The following PCDH15 variants were observed in gnomAD, a reference collection of about 807,000 sequenced individuals.
PCDH15 encodes protocadherin-15.
PCDH15 carries 129 observed loss-of-function variants against 178.5 expected under a neutral mutation model. That is an observed-to-expected ratio of 0.72 (90% CI 0.63 to 0.84). The LOEUF is 0.84. PCDH15 is among the 40% of genes least tolerant of loss of function. The probability of loss-of-function intolerance (pLI) is 0.00; values close to 1 mark genes in which losing one functional copy is unlikely to be tolerated. For synonymous variants in PCDH15, 800 were observed against 732.0 expected, an observed-to-expected ratio of 1.09 and a Z score of -1.50; for missense variants, 2,230 against 2,099.9, an observed-to-expected ratio of 1.06 and a Z score of -1.21.
At chr10:53,930,715 C>A (rs1382650257) in intron 25 of PCDH15, among the ~76,000 whole-genome samples, 1 of 152,106 alleles carries the variant, frequency 6.6e-6, no homozygotes, top group Non-Finnish European at 1.5e-5. Context: ...CCTCCTTGCT[C>A]CTCCCCAGTT....
rs1288202883 is a variant in PCDH15, at chr10:55,377,722, G to A, written c.-155-211071C>T. Among the ~76,000 whole-genome samples the A allele has an allele frequency of 2.6e-5, 4 of 151,796 alleles. No individual in the cohort carries two copies. The East Asian group carries it at 7.7e-4, about 29-fold the overall frequency. ...TATTCTTTTATGCTTTTCATTTCAC[G>A]TATACTTTCTGAGTACCTAGTATAA... On this transcript the variant is annotated intron_variant, in intron 2 of 5. Transcript: ENST00000613346.
intron 2 of PCDH15, among the ~76,000 whole-genome samples, chr10:55,329,002 CGTGTGTGTGT>C (rs34920648): frequency 3.8e-5 from 5 of 131,118 alleles, no homozygotes; most frequent in Non-Finnish European, 8.1e-5. Context: ...ATTCCATTTT[CGTGTGTGTGT>C]GTGTGTGTGT....
chr10:54,834,349 T>C (rs1953276728), intron 3 of PCDH15, among the ~76,000 whole-genome samples: 1 of 151,950 alleles, frequency 6.6e-6, no homozygotes, highest in Admixed American at 6.6e-5. Context: ...CAGCTAATTT[T>C]TGTATTTTTA....
intron 3 of PCDH15, among the ~76,000 whole-genome samples, chr10:54,404,118 TAATATTCATATTATA>T (rs1374228553): frequency 6.6e-6 from 1 of 151,912 alleles, no homozygotes; most frequent in African/African-American, 2.4e-5. Flanking sequence ...AAGGCTATTT[TAATATTCATATTATA>T]AATATTCATA....
chr10:54,811,163 G>C (rs576320362), intron 3 of PCDH15, among the ~76,000 whole-genome samples: 1 of 151,858 alleles, frequency 6.6e-6, no homozygotes, highest in South Asian at 2.1e-4. Context: ...ATATATATAT[G>C]ACAAGTGCAA....
intron 1 of PCDH15, among the ~76,000 whole-genome samples, chr10:54,696,653 A>G (rs1266975971): frequency 6.6e-6 from 1 of 151,990 alleles, no homozygotes; most frequent in Non-Finnish European, 1.5e-5. Context: ...TTTCTGATCA[A>G]AAAGATTCTT....
intron 25 of PCDH15, chr10:53,905,367 T>G (rs1589349970): frequency 2.3e-6 from 1 of 426,746 alleles, no homozygotes; most frequent in East Asian, 6.0e-5. Flanking sequence ...GGAGTCTCCC[T>G]CTGTCGCCCA....
At chr10:54,346,999 T>C (rs889692076) in intron 5 of PCDH15, among the ~76,000 whole-genome samples, 40 of 152,156 alleles carry the variant, frequency 2.6e-4, no homozygotes, top group African/African-American at 9.4e-4. Context: ...TCTTGAGTCC[T>C]TCTGATATTG....
At chr10:54,379,323 C>T (rs530078510) in intron 3 of PCDH15, among the ~76,000 whole-genome samples, 2 of 152,012 alleles carry the variant, frequency 1.3e-5, no homozygotes, top group African/African-American at 4.8e-5. Context: ...TTCTGTTAGA[C>T]CTCTGATGTG....
chr10:54,219,830 GA>G (rs528683589), intron 9 of PCDH15, among the ~76,000 whole-genome samples: 2 of 151,934 alleles, frequency 1.3e-5, no homozygotes, highest in South Asian at 4.1e-4. Context: ...GATATTGTCA[GA>G]ATGCTCTAAA....
chr10:54,168,257 G>A lies in PCDH15; in HGVS notation c.1591-14964C>T, dbSNP rs372402253. Among the ~76,000 whole-genome samples the A allele has an allele frequency of 4.7e-4, 71 of 151,936 alleles. No individual in the cohort carries two copies. The East Asian group carries it at 0.012, about 26-fold the overall frequency. On this transcript the variant is annotated intron_variant, in intron 13 of 37. Transcript: ENST00000644397. ...AGGCAAACGGTCTGAGGTGCCTGAC[G>A]TCCAGGCATTCTTTTACACATCAGT... is the stretch of plus-strand genomic sequence containing the variant.
At chr10:54,006,215 A>G (rs1341731476) in intron 20 of PCDH15, among the ~76,000 whole-genome samples, 1 of 152,160 alleles carries the variant, frequency 6.6e-6, no homozygotes, top group East Asian at 1.9e-4. Flanking sequence ...AAACTCTAGA[A>G]TAGTAGAATT....
chr10:55,085,145 A>G (rs563442260), intron 2 of PCDH15, among the ~76,000 whole-genome samples: 1 of 152,032 alleles, frequency 6.6e-6, no homozygotes, highest in Non-Finnish European at 1.5e-5. Flanking sequence ...TTGCAGCACA[A>G]TTCACAATAG....
Position 54,905,356 on chromosome 10 carries a change from G to A in PCDH15, c.-79-7856C>T, listed in dbSNP as rs147268515. ...ATACAAGCAACACTGTATTTATTTC[G>A]CTGAAATGTATAAAATCCTGGCATA... On this transcript the variant is annotated intron_variant, in intron 2 of 5. Coordinates refer to the PCDH15 transcript ENST00000458638. Among the ~76,000 whole-genome samples, 328 of 151,768 alleles carry A rather than the reference G, an allele frequency of 2.2e-3. 10 individuals carry two copies. The East Asian group carries it at 0.057, about 27-fold the overall frequency.
chr10:54,178,711 A>T (rs1278980010), intron 13 of PCDH15, among the ~76,000 whole-genome samples: 1 of 135,478 alleles, frequency 7.4e-6, no homozygotes, highest in Admixed American at 7.1e-5. Context: ...CAATGAACTC[A>T]AACAAATTTA....
At chr10:55,610,140 CAAG>C (rs1348733772) in intron 2 of PCDH15, among the ~76,000 whole-genome samples, 2 of 152,012 alleles carry the variant, frequency 1.3e-5, no homozygotes, top group Non-Finnish European at 2.9e-5. Context: ...CTGAGTACAT[CAAG>C]AAGAAGTTGC....
At chr10:54,479,499 A>T (rs2078543578) in intron 3 of PCDH15, among the ~76,000 whole-genome samples, 1 of 151,974 alleles carries the variant, frequency 6.6e-6, no homozygotes, top group Admixed American at 6.6e-5. Flanking sequence ...TTTGTTTTGA[A>T]TTGTAATCCA....
intron 9 of PCDH15, among the ~76,000 whole-genome samples, chr10:54,231,662 G>C (rs998206524): frequency 6.6e-6 from 1 of 152,188 alleles, no homozygotes; most frequent in Non-Finnish European, 1.5e-5. Context: ...CAATGGGGCT[G>C]TACTGTGCAA....
intron 3 of PCDH15, among the ~76,000 whole-genome samples, chr10:54,813,830 T>C (rs1304319690): frequency 1.3e-5 from 2 of 152,222 alleles, no homozygotes; most frequent in East Asian, 1.9e-4. Flanking sequence ...TTGTTTAATG[T>C]CCACAGATCT....
Sources: allele counts gnomAD v4.1 joint callset (sites outside exome capture counted in the v4.1 genomes callset), GRCh38; gene constraint gnomAD v4.1.1; transcripts MANE v1.5; gene names NCBI Gene and HGNC (gene_info 2026-07-23, HGNC 2026-07-21).